TRIO: variants seen among roughly 807,000 people sequenced by gnomAD.
The protein encoded by TRIO is triple functional domain protein.
In TRIO, 58 loss-of-function variants were observed where a neutral mutation model predicts 351.9. That is an observed-to-expected ratio of 0.16 (90% CI 0.13 to 0.21). The LOEUF (loss-of-function observed/expected upper bound fraction) is 0.21. Ranked by LOEUF, TRIO falls within the 10% of genes least tolerant of loss-of-function variation. The pLI is 1.00. For missense variants in TRIO, 3,201 were observed against 4,027.8 expected, an observed-to-expected ratio of 0.79 and a Z score of 5.56; for synonymous variants, 1,758 against 1,595.7, an observed-to-expected ratio of 1.10 and a Z score of -2.42.
intron 1 of TRIO, among the ~76,000 whole-genome samples, chr5:14,229,890 T>G (rs1316086910): frequency 6.6e-6 from 1 of 152,214 alleles, no homozygotes; most frequent in African/African-American, 2.4e-5. Context: ...GAGAATGTCA[T>G]CTCTAAACCA....
intron 1 of TRIO, chr5:14,183,763 C>G: frequency 1.9e-6 from 1 of 526,278 alleles, no homozygotes; most frequent in Non-Finnish European, 3.4e-6. Flanking sequence ...GGCATGCGGC[C>G]GCAGTTACAG....
chr5:14,405,815 C>A (rs749201913), intron 31 of TRIO, 33 bp from the exon 32 acceptor site: 4 of 1,604,224 alleles, frequency 2.5e-6, no homozygotes, highest in Non-Finnish European at 2.6e-6. Flanking sequence ...AAGGGCCGTT[C>A]CGTATCCTAA....
Position 14,508,071 on chromosome 5 carries a change from C to A in TRIO, c.8943C>A (p.Leu2981=). The A allele has an allele frequency of 6.2e-7, 1 of 1,614,198 alleles. No homozygotes were observed. The highest frequency in any genetic ancestry group is 8.5e-7 in the Non-Finnish European group (1 of 1,180,030). The part of the protein sequence containing the change: ...LTSDTWSVGV[L]TYVLLSGVSP... ...CGGATACGTGGAGTGTTGGAGTGCTCACATACGTACTTCTTAGTGGCGTGT... is the reference window on the plus strand; with the variant it reads ...CGGATACGTGGAGTGTTGGAGTGCTAACATACGTACTTCTTAGTGGCGTGT... The change falls in exon 57 of 57, where the codon CTC becomes CTA. Residue 2981 remains leucine, a synonymous_variant. Coordinates refer to ENST00000344204, the MANE Select transcript of TRIO (RefSeq NM_007118.4).
intron 1 of TRIO, among the ~76,000 whole-genome samples, chr5:14,222,836 G>A (rs778798267): frequency 2.0e-5 from 3 of 152,216 alleles, no homozygotes; most frequent in Non-Finnish European, 4.4e-5. Context: ...ACATCGCAGA[G>A]ATGTTAAGGC....
intron 11 of TRIO, 66 bp downstream of exon 11, chr5:14,336,793 C>A: frequency 6.4e-7 from 1 of 1,554,970 alleles, no homozygotes; most frequent in Non-Finnish European, 8.8e-7. Context: ...TTTGGAGGAA[C>A]CTAAATTTAG....
Position 14,497,055 on chromosome 5 carries a change from G to C in TRIO, c.8019+38G>C, listed in dbSNP as rs749836395. 1 of 1,609,140 alleles carries C rather than the reference G, an allele frequency of 6.2e-7. No individual in the cohort carries two copies. The highest frequency in any genetic ancestry group is 1.1e-5 in the South Asian group (1 of 90,506). ...GTCTTCAGGAGTCCGTGTCATCCCA[G>C]CATGAGAGAAAGGATCAGGGAGGGC... On this transcript the variant is annotated intron_variant, in intron 50 of 56. Coordinates refer to ENST00000344204, the MANE Select transcript of TRIO (RefSeq NM_007118.4). This position sits in a 1 kb window ranked among gnomAD's most constrained non-coding sequence, Gnocchi z 4.4.
chr5:14,145,099 C>CG (rs1787423057), intron 1 of TRIO, among the ~76,000 whole-genome samples: 1 of 152,126 alleles, frequency 6.6e-6, no homozygotes, highest in Admixed American at 6.5e-5. Context: ...ACCGACAGGC[C>CG]GGGGGAGCGG....
Position 14,465,555 on chromosome 5 carries a change from G to C in TRIO, c.5678G>C (p.Arg1893Pro). Residue 1893 changes from arginine to proline, a missense_variant, in exon 37 of 57, where the codon CGG becomes CCG. Physicochemically the swap from Arg to Pro is moderately radical, Grantham distance 103. Around this residue, in one of 19 missense-constraint regions of TRIO, gnomAD observed 307 missense variants for 396.5 expected, o/e 0.77. Coordinates refer to ENST00000344204, the MANE Select transcript of TRIO (RefSeq NM_007118.4). ...TAATTTCTTCTGTAGGCCTCTTCTCGGTTATTAGTCCGCCCCACCAGCTCC... is the reference window on the plus strand; with the variant it reads ...TAATTTCTTCTGTAGGCCTCTTCTCCGTTATTAGTCCGCCCCACCAGCTCC... ...PDSQDDKASS[R>P]LLVRPTSSET... The C allele has an allele frequency of 1.2e-6, 2 of 1,613,738 alleles. No homozygotes were observed. Among genetic ancestry groups the C allele is most frequent in the Non-Finnish European group, 1.7e-6 (2 of 1,179,974 alleles).
At chr5:14,311,574 T>A (rs539655959) in intron 8 of TRIO, among the ~76,000 whole-genome samples, 1 of 152,312 alleles carries the variant, frequency 6.6e-6, no homozygotes, top group Non-Finnish European at 1.5e-5. Flanking sequence ...CTCAGAAGGG[T>A]TCGATTGTTT....
intron 4 of TRIO, among the ~76,000 whole-genome samples, chr5:14,290,167 C>A (rs1736784073): frequency 6.6e-6 from 1 of 152,158 alleles, no homozygotes; most frequent in Non-Finnish European, 1.5e-5. Flanking sequence ...GTTGGAGCAG[C>A]ATTCATCGTT....
chr5:14,351,681 C>G (rs1743132164), intron 11 of TRIO, among the ~76,000 whole-genome samples: 1 of 152,192 alleles, frequency 6.6e-6, no homozygotes, highest in Admixed American at 6.5e-5. Context: ...ATAGAGTGCT[C>G]CAAGAATTTC....
At chr5:14,199,440 T>A (rs1197030089) in intron 1 of TRIO, among the ~76,000 whole-genome samples, 1 of 152,204 alleles carries the variant, frequency 6.6e-6, no homozygotes, top group Non-Finnish European at 1.5e-5. Context: ...GAAAATATTC[T>A]TTGTTGAATG....
At chr5:14,358,837 ATTTT>A (rs1198352980) in intron 12 of TRIO, among the ~76,000 whole-genome samples, 2 of 152,012 alleles carry the variant, frequency 1.3e-5, no homozygotes, top group Non-Finnish European at 2.9e-5. Flanking sequence ...CTGGAAGCAA[ATTTT>A]TTTTATTGGG....
intron 34 of TRIO, among the ~76,000 whole-genome samples, chr5:14,438,032 T>C (rs1439405080): frequency 6.6e-6 from 1 of 152,210 alleles, no homozygotes; most frequent in Non-Finnish European, 1.5e-5. Flanking sequence ...CATTTTAAAT[T>C]GTGTGTCCAG....
At chr5:14,270,480 AT>A (rs1012904442) in intron 1 of TRIO, among the ~76,000 whole-genome samples, 4 of 152,240 alleles carry the variant, frequency 2.6e-5, no homozygotes, top group African/African-American at 9.6e-5. Context: ...ACCAGCAAAG[AT>A]TTATGTACAT....
chr5:14,465,217 G>T (rs1754158292), intron 36 of TRIO, among the ~76,000 whole-genome samples: 1 of 152,036 alleles, frequency 6.6e-6, no homozygotes, highest in South Asian at 2.1e-4. Context: ...CCAGAGCCTT[G>T]CCAGCACTTG....
chr5:14,196,868 G>A (rs1371728621), intron 1 of TRIO, among the ~76,000 whole-genome samples: 1 of 152,174 alleles, frequency 6.6e-6, no homozygotes, highest in Admixed American at 6.5e-5. Flanking sequence ...CATTCGATGA[G>A]TCATGTTCCA....
chr5:14,507,464 G>A (rs978964650), intron 56 of TRIO, among the ~76,000 whole-genome samples: 3 of 152,216 alleles, frequency 2.0e-5, no homozygotes, highest in Non-Finnish European at 4.4e-5. Context: ...AGCACACTGG[G>A]TAAAACGCCG....
rs1377172750 is a variant in TRIO at position 14,476,981 on chromosome 5, G to A, written c.6153+18G>A. On this transcript the variant is annotated intron_variant, in intron 41 of 56. Coordinates refer to ENST00000344204, the MANE Select transcript of TRIO (RefSeq NM_007118.4). ...TTAAACACGTAAGCACAATAGCATTGCTTATATCCTGTTCTGATGGTGTCA... is the reference window on the plus strand; with the variant it reads ...TTAAACACGTAAGCACAATAGCATTACTTATATCCTGTTCTGATGGTGTCA... The A allele has an allele frequency of 6.2e-7, 1 of 1,606,656 alleles. No individual in the cohort carries two copies. Among genetic ancestry groups the A allele is most frequent in the African/African-American group, 1.3e-5 (1 of 74,716 alleles).
Sources: gnomAD v4.1 joint callset for allele counts (sites outside exome capture counted in the v4.1 genomes callset) on GRCh38, gnomAD v4.1.1 for gene constraint, gnomAD v4.1.1 regional missense constraint, Gnocchi (gnomAD v3.1) non-coding constraint, MANE v1.5 for transcripts, NCBI Gene and HGNC (gene_info 2026-07-23, HGNC 2026-07-21) for gene names.